The following SCCPDH variants were observed in gnomAD, a reference collection of about 807,000 sequenced individuals.
SCCPDH encodes saccharopine dehydrogenase-like oxidoreductase.
A neutral mutation model predicts 51.5 loss-of-function variants in SCCPDH; 34 were observed. The observed-to-expected ratio is 0.66, with a 90% CI of 0.50 to 0.88. The LOEUF (loss-of-function observed/expected upper bound fraction) is 0.88, where lower values mean the gene tolerates loss of function less well. Ranked by LOEUF, SCCPDH falls within the 40% of genes least tolerant of loss-of-function variation. The probability of loss-of-function intolerance (pLI) is 0.00; values close to 1 mark genes in which losing one functional copy is unlikely to be tolerated. For synonymous variants in SCCPDH, 187 were observed against 191.3 expected (o/e 0.98, Z 0.19); for missense variants, 464 against 527.1 (o/e 0.88, Z 1.17).
chr1:246,730,090 G>C (rs574841937), intron 2 of SCCPDH, among the ~76,000 whole-genome samples: 2 of 151,894 alleles, frequency 1.3e-5, no homozygotes, highest in South Asian at 2.1e-4. Flanking sequence ...TCTACTTTTT[G>C]TGCCCCCTTT....
chr1:246,766,218 C>G, intron 11 of SCCPDH, 79 bp downstream of exon 11: 1 of 1,067,852 alleles, frequency 9.4e-7, no homozygotes. Context: ...GATTTTCAGG[C>G]TTTGGGTTTG....
At position 246,767,212 on chromosome 1, in the gene SCCPDH, CT is replaced by C; in HGVS notation, c.1203del (p.Gly402GlufsTer9). The C allele has an allele frequency of 6.2e-7, 1 of 1,609,972 alleles. No homozygotes were observed. Among genetic ancestry groups the C allele is most frequent in the Non-Finnish European group, 8.5e-7 (1 of 1,177,720 alleles). On this transcript the variant is annotated frameshift_variant, in exon 12 of 12. Coordinates refer to ENST00000366510, the MANE Select transcript of SCCPDH (RefSeq NM_016002.3). LOFTEE classifies it high-confidence loss of function. ...HLPKAGGVFT[P>X]GAAFSKTKLI... The stretch of plus-strand genomic sequence containing the variant: ...TTTTATAGGGGCGGGGTCTTCACAC[CT>C]GGAGCAGCTTTTTCCAAAACAAAGT...
At chr1:246,739,967 G>A (rs1668653880) in intron 3 of SCCPDH, among the ~76,000 whole-genome samples, 1 of 152,068 alleles carries the variant, frequency 6.6e-6, no homozygotes, top group South Asian at 2.1e-4. Context: ...AGTCAGACGA[G>A]CACAACTTCT....
chr1:246,764,789 A>G (rs889732328), intron 10 of SCCPDH, among the ~76,000 whole-genome samples: 1 of 152,266 alleles, frequency 6.6e-6, no homozygotes, highest in Non-Finnish European at 1.5e-5. Context: ...ATGGCTTCTG[A>G]TAGGTTGTTA....
At position 246,767,489 on chromosome 1, in the gene SCCPDH, A is replaced by G. The variant is rs1053813681; in HGVS notation, c.*189A>G. ...ATTTCAAATCTGAGTTGATTTTGTG[A>G]TTTTATTGCTTATAACAGAGAACTC... On this transcript the variant is annotated 3_prime_UTR_variant, in exon 12 of 12. Transcript: ENST00000366510. 1 of 397,414 alleles carries G rather than the reference A, an allele frequency of 2.5e-6. No individual in the cohort carries two copies. The highest frequency in any genetic ancestry group is 2.1e-5 in the African/African-American group (1 of 48,182). The allele number at this position is 397,414 out of a possible 1,614,324, so 24.6% of individuals were successfully genotyped here. A position where few individuals can be genotyped will look rare whatever the true frequency, so the allele number is the denominator to read the frequency against.
chr1:246,764,210 A>G lies in SCCPDH; in HGVS notation c.991-36A>G, dbSNP rs559317038. ...ACTATGTTCCAGGAGGAAATGACGT[A>G]TTTATGAAATGCGCCCTTTGCCTTC... On this transcript the variant is annotated intron_variant, in intron 9 of 11. Coordinates refer to ENST00000366510, the MANE Select transcript of SCCPDH (RefSeq NM_016002.3). 19 of 1,297,906 alleles carry G rather than the reference A, an allele frequency of 1.5e-5. No individual in the cohort carries two copies. In the East Asian group the frequency reaches 4.2e-4, roughly 28 times the overall value. The allele number at this position is 1,297,906 out of a possible 1,614,324, so 80.4% of individuals were successfully genotyped here.
rs199765931 is a variant in SCCPDH, at chr1:246,759,129, A to G, written c.791A>G (p.Tyr264Cys). ...GTAAGGAGGACTCAACGTTACTTGT[A>G]TGAAAATTTAGAGGAATCACCAGTA... is the stretch of plus-strand genomic sequence containing the variant. ...SVVRRTQRYLYENLEESPVQY... is the reference protein window; with the variant it reads ...SVVRRTQRYLCENLEESPVQY... Residue 264 changes from tyrosine (Y) to cysteine (C), a missense_variant, in exon 7 of 12, where the codon TAT becomes TGT. Coordinates refer to ENST00000366510, the MANE Select transcript of SCCPDH (RefSeq NM_016002.3). The G allele has an allele frequency of 1.3e-6, 2 of 1,578,180 alleles. No homozygotes were observed. The highest frequency in any genetic ancestry group is 2.2e-5 in the East Asian group (1 of 44,658).
chr1:246,740,311 G>T lies in SCCPDH; in HGVS notation c.514+10G>T, dbSNP rs754735751. On this transcript the variant is annotated intron_variant, in intron 4 of 11. Transcript: ENST00000366510. Reference sequence around the variant, plus strand: ...AGAAATAAAATGAATGGTAATTATTGATCAATAAGCAATAATGGAATTTAA... The same window carrying T: ...AGAAATAAAATGAATGGTAATTATTTATCAATAAGCAATAATGGAATTTAA... The T allele has an allele frequency of 1.9e-6, 3 of 1,582,606 alleles. No individual in the cohort carries two copies. Among genetic ancestry groups the T allele is most frequent in the South Asian group, 1.2e-5 (1 of 86,206 alleles).
Position 246,740,169 on chromosome 1 carries a change from T to C in SCCPDH, c.385-3T>C. ...ATTAAAATTCTTATCCTGGATTTTT[T>C]AGTTTCTGGAACTAATGCAACTGAA... is the stretch of plus-strand genomic sequence containing the variant. On this transcript the variant is annotated splice_polypyrimidine_tract_variant and splice_region_variant and intron_variant, in intron 3 of 11. Coordinates refer to ENST00000366510, the MANE Select transcript of SCCPDH (RefSeq NM_016002.3). 3 of 1,566,486 alleles carry C rather than the reference T, an allele frequency of 1.9e-6. No homozygotes were observed. The highest frequency in any genetic ancestry group is 2.6e-6 in the Non-Finnish European group (3 of 1,149,722).
intron 1 of SCCPDH, among the ~76,000 whole-genome samples, chr1:246,726,329 T>C (rs530418314): frequency 6.6e-6 from 1 of 152,098 alleles, no homozygotes; most frequent in East Asian, 1.9e-4. Context: ...CCTTGACCTC[T>C]GTGTCTAAGT....
intron 2 of SCCPDH, among the ~76,000 whole-genome samples, chr1:246,732,715 T>C (rs923282545): frequency 1.3e-5 from 2 of 152,124 alleles, no homozygotes; most frequent in Non-Finnish European, 2.9e-5. Context: ...CTGAGAATTA[T>C]GTGGGGAGTA....
chr1:246,758,120 G>A (rs1304681915), intron 5 of SCCPDH, 106 bp from the exon 6 acceptor site: 7 of 872,170 alleles, frequency 8.0e-6, no homozygotes, highest in Non-Finnish European at 1.2e-5. Context: ...ATTATGTCTT[G>A]TCCAAATATA....
chr1:246,745,216 C>T (rs1359505636), intron 5 of SCCPDH, among the ~76,000 whole-genome samples: 1 of 152,214 alleles, frequency 6.6e-6, no homozygotes, highest in East Asian at 1.9e-4. Context: ...GAACGTAAGA[C>T]AGTTGCATTT....
intron 2 of SCCPDH, among the ~76,000 whole-genome samples, chr1:246,732,271 C>T (rs1357960104): frequency 6.6e-6 from 1 of 152,212 alleles, no homozygotes; most frequent in Admixed American, 6.5e-5. Flanking sequence ...TGAGTGTTGA[C>T]AGGGTCTGAA....
intron 5 of SCCPDH, among the ~76,000 whole-genome samples, chr1:246,749,310 T>G (rs1247631225): frequency 6.6e-6 from 1 of 152,182 alleles, no homozygotes; most frequent in African/African-American, 2.4e-5. Context: ...CCAGATACCC[T>G]GTTTCAATTG....
intron 5 of SCCPDH, among the ~76,000 whole-genome samples, chr1:246,748,719 G>A (rs544765842): frequency 1.2e-4 from 18 of 152,144 alleles, no homozygotes; most frequent in Non-Finnish European, 1.6e-4. Flanking sequence ...AACTCCAGTA[G>A]CGTTTATATA....
intron 3 of SCCPDH, among the ~76,000 whole-genome samples, chr1:246,739,355 C>T (rs373624527): frequency 3.3e-5 from 5 of 152,286 alleles, no homozygotes; most frequent in African/African-American, 9.6e-5. Flanking sequence ...AAGCATGAGA[C>T]AAATTCCAGT....
At chr1:246,725,536 A>T (rs990796422) in intron 1 of SCCPDH, among the ~76,000 whole-genome samples, 1 of 152,168 alleles carries the variant, frequency 6.6e-6, no homozygotes, top group African/African-American at 2.4e-5. Flanking sequence ...TGGAAATACT[A>T]CATTCTTTCT....
Position 246,767,237 on chromosome 1 carries a change from G to A in SCCPDH, c.1227G>A (p.Lys409=). 6 of 1,611,112 alleles carry A rather than the reference G, an allele frequency of 3.7e-6. No homozygotes were observed. Among genetic ancestry groups the A allele is most frequent in the Non-Finnish European group, 5.1e-6 (6 of 1,178,326 alleles). Residue 409 remains lysine, a synonymous_variant, in exon 12 of 12, where the codon AAG becomes AAA. Transcript: ENST00000366510. The part of the protein sequence containing the change: ...FTPGAAFSKT[K]LIDRLNKHGI... Reference sequence around the variant, plus strand: ...CTGGAGCAGCTTTTTCCAAAACAAAGTTGATTGACAGACTCAACAAACACG... The same window carrying A: ...CTGGAGCAGCTTTTTCCAAAACAAAATTGATTGACAGACTCAACAAACACG...
Sources: gnomAD v4.1 joint callset for allele counts (sites outside exome capture counted in the v4.1 genomes callset) on GRCh38, gnomAD v4.1.1 for gene constraint, MANE v1.5 for transcripts, NCBI Gene and HGNC (gene_info 2026-07-23, HGNC 2026-07-21) for gene names.